PLB1: variants seen among roughly 807,000 people sequenced by gnomAD.
The protein encoded by PLB1 is phospholipase B1, also known as phospholipase B1, membrane-associated.
Under a neutral mutation model 227.4 loss-of-function variants are expected in PLB1, and 242 were observed. That is an observed-to-expected ratio of 1.06 (90% CI 0.96 to 1.18). PLB1 has a LOEUF of 1.18. Ranked by LOEUF, PLB1 falls within the 50% of genes most tolerant of loss-of-function variation. The pLI is 0.00. For missense variants in PLB1, 1,858 were observed against 1,816.3 expected (o/e 1.02, Z -0.42); for synonymous variants, 757 against 682.2 (o/e 1.11, Z -1.71).
chr2:28,585,655 T>TC, intron 25 of PLB1, 106 bp from the exon 26 acceptor site: 1 of 946,982 alleles, frequency 1.1e-6, no homozygotes, highest in Non-Finnish European at 1.7e-6. Context: ...ATCTCTGAAC[T>TC]CCAAGTTAAA....
chr2:28,588,428 G>A lies in PLB1; in HGVS notation c.1816-1022G>A, dbSNP rs578071614. Among the ~76,000 whole-genome samples the A allele has an allele frequency of 3.9e-5, 6 of 152,278 alleles. No individual in the cohort carries two copies. In the South Asian group the frequency reaches 1.2e-3, roughly 32 times the overall value. ...CTTTCCTCATGCCTTACTCAAGGCT[G>A]ACCACTGGCTTGGGAGGTCAGACAT... On this transcript the variant is annotated intron_variant, in intron 26 of 57. Transcript: ENST00000327757.
chr2:28,598,161 C>A, intron 34 of PLB1, 113 bp downstream of exon 34: 1 of 879,816 alleles, frequency 1.1e-6, no homozygotes, highest in Non-Finnish European at 1.8e-6. Flanking sequence ...TATGGCCCAG[C>A]ATTTAAGTAG....
chr2:28,524,982 G>T (rs891153731), intron 4 of PLB1, among the ~76,000 whole-genome samples: 1 of 151,840 alleles, frequency 6.6e-6, no homozygotes, highest in African/African-American at 2.4e-5. Flanking sequence ...CAAGTAGCTG[G>T]GATTATGGGC....
intron 41 of PLB1, among the ~76,000 whole-genome samples, chr2:28,605,509 T>C (rs1034158700): frequency 3.9e-5 from 6 of 152,058 alleles, no homozygotes; most frequent in Admixed American, 2.6e-4. Context: ...TTTTCCCAGC[T>C]GGCTGGGCTA....
intron 1 of PLB1, among the ~76,000 whole-genome samples, chr2:28,506,026 C>T (rs1382677699): frequency 1.3e-5 from 2 of 152,192 alleles, no homozygotes; most frequent in Non-Finnish European, 2.9e-5. Flanking sequence ...CCTGGGATGT[C>T]ATCTGTGCCT....
chr2:28,545,987 G>A (rs966866896), intron 14 of PLB1, among the ~76,000 whole-genome samples: 1 of 152,112 alleles, frequency 6.6e-6, no homozygotes, highest in Non-Finnish European at 1.5e-5. Flanking sequence ...CCCAGACCAC[G>A]TCAGCATCCT....
intron 49 of PLB1, among the ~76,000 whole-genome samples, chr2:28,622,153 TTATCTC>T (rs1687134300): frequency 6.6e-6 from 1 of 152,202 alleles, no homozygotes; most frequent in Admixed American, 6.5e-5. Context: ...TAACTTTCCT[TTATCTC>T]TATTCTGTTG....
At position 28,578,103 on chromosome 2, in the gene PLB1, A is replaced by C. The variant is rs1305621732; in HGVS notation, c.1434-4A>C. 6.2e-7 allele frequency: 1 copy of C among 1,613,966 alleles called. No homozygotes were observed. The highest frequency in any genetic ancestry group is 1.7e-5 in the Admixed American group (1 of 60,010). ...ACAGCACTTCCTCTGGTATGTTTCC[A>C]CAGGGATCTACCTGTCCAGGCCAGG... On this transcript the variant is annotated splice_region_variant and splice_polypyrimidine_tract_variant and intron_variant, in intron 21 of 57. Coordinates refer to ENST00000327757, the MANE Select transcript of PLB1 (RefSeq NM_153021.5).
At chr2:28,624,288 A>T (rs998492241) in intron 49 of PLB1, among the ~76,000 whole-genome samples, 4 of 152,326 alleles carry the variant, frequency 2.6e-5, no homozygotes, top group Admixed American at 1.3e-4. Context: ...TTGCATTTTT[A>T]AAAATTTTAT....
rs200759809 is a variant in PLB1, at chr2:28,634,725, CAG to C, written c.4098+1687_4098+1688del. On this transcript the variant is annotated intron_variant, in intron 56 of 57. Transcript: ENST00000327757. ...GAATTAGACACCAACCTGGGCAACA[CAG>C]GGGAGATTCTGTCTCTACAAAAATA... 5.5e-3 allele frequency among the ~76,000 whole-genome samples: 835 copies of C among 152,228 alleles called. 3 individuals carry two copies. The highest frequency in any genetic ancestry group is 0.018 in the African/African-American group (765 of 41,542).
At chr2:28,597,806 C>T (rs1214119148) in intron 33 of PLB1, among the ~76,000 whole-genome samples, 199 bp from the exon 34 acceptor site, 2 of 152,194 alleles carry the variant, frequency 1.3e-5, no homozygotes, top group East Asian at 1.9e-4. Context: ...ATCTTCAAAT[C>T]CTGGATTCGG....
At chr2:28,616,547 C>T (rs552752128) in intron 44 of PLB1, among the ~76,000 whole-genome samples, 9 of 152,278 alleles carry the variant, frequency 5.9e-5, no homozygotes, top group East Asian at 1.9e-4. Context: ...TCCCTTGTGA[C>T]GGATGAGCAC....
chr2:28,641,046 GT>G (rs1689918376), intron 57 of PLB1, 45 bp downstream of exon 57: 1 of 1,581,470 alleles, frequency 6.3e-7, no homozygotes, highest in Admixed American at 1.7e-5. Flanking sequence ...GATGCCTGGG[GT>G]GGGGGTTGTC....
intron 9 of PLB1, among the ~76,000 whole-genome samples, chr2:28,534,544 A>C (rs1671423436): frequency 6.6e-6 from 1 of 152,218 alleles, no homozygotes; most frequent in African/African-American, 2.4e-5. Context: ...CACATCTCAC[A>C]CTGTGGGTCA....
At chr2:28,603,742 G>A (rs1342359712) in intron 39 of PLB1, among the ~76,000 whole-genome samples, 1 of 152,224 alleles carries the variant, frequency 6.6e-6, no homozygotes, top group Non-Finnish European at 1.5e-5. Context: ...TGGTATGAGA[G>A]GGTGCTCATT....
intron 49 of PLB1, among the ~76,000 whole-genome samples, chr2:28,622,905 AAAAT>A (rs1404838422): frequency 1.1e-4 from 16 of 152,248 alleles, no homozygotes; most frequent in African/African-American, 3.4e-4. Flanking sequence ...ATAATAATTA[AAAAT>A]AAATAAAAGA....
At chr2:28,611,782 T>G (rs539838165) in intron 43 of PLB1, among the ~76,000 whole-genome samples, 1 of 152,080 alleles carries the variant, frequency 6.6e-6, no homozygotes, top group African/African-American at 2.4e-5. Flanking sequence ...CCCTCTCCTG[T>G]CTTATGCTGT....
intron 4 of PLB1, among the ~76,000 whole-genome samples, chr2:28,520,584 A>G (rs921446653): frequency 3.9e-5 from 6 of 152,160 alleles, no homozygotes; most frequent in Non-Finnish European, 5.9e-5. Context: ...GAAACACTCT[A>G]CCCATGAAAT....
At chr2:28,498,184 T>C (rs963032299) in intron 1 of PLB1, among the ~76,000 whole-genome samples, 74 of 151,860 alleles carry the variant, frequency 4.9e-4, no homozygotes, top group African/African-American at 1.7e-3. Context: ...ACATCTGGGA[T>C]TGACTTTTAT....
Sources: allele counts gnomAD v4.1 joint callset (sites outside exome capture counted in the v4.1 genomes callset), GRCh38; gene constraint gnomAD v4.1.1; transcripts MANE v1.5; gene names NCBI Gene and HGNC (gene_info 2026-07-23, HGNC 2026-07-21).